INTS9: variants seen among roughly 807,000 people sequenced by gnomAD.
INTS9 encodes protein related to CPSF subunits of 74 kDa.
Under a neutral mutation model 79.7 loss-of-function variants are expected in INTS9, and 55 were observed. That is an observed-to-expected ratio of 0.69 (90% CI 0.56 to 0.86). The LOEUF is 0.86. INTS9 is among the 40% of genes least tolerant of loss of function. INTS9 has a pLI of 0.00. For missense variants in INTS9, 721 were observed against 831.5 expected (o/e 0.87, Z 1.64); for synonymous variants, 319 against 325.2 (o/e 0.98, Z 0.20).
chr8:28,880,156 A>C (rs919035424), intron 1 of INTS9, among the ~76,000 whole-genome samples: 2 of 152,214 alleles, frequency 1.3e-5, no homozygotes, highest in African/African-American at 4.8e-5. Context: ...AGAGGAAAGA[A>C]GACTTATAAA....
intron 6 of INTS9, among the ~76,000 whole-genome samples, chr8:28,815,903 T>C (rs1805443099): frequency 6.6e-6 from 1 of 152,104 alleles, no homozygotes; most frequent in African/African-American, 2.4e-5. Flanking sequence ...CACTTGAGAA[T>C]ACTGACCCAG....
At chr8:28,837,893 T>A in intron 4 of INTS9, 117 bp from the exon 5 acceptor site, 4 of 971,022 alleles carry the variant, frequency 4.1e-6, no homozygotes, top group Non-Finnish European at 6.1e-6. Flanking sequence ...AGAATAATGA[T>A]GGCTTTCCTG....
chr8:28,857,837 G>A (rs865916200), intron 2 of INTS9, among the ~76,000 whole-genome samples: 1 of 152,160 alleles, frequency 6.6e-6, no homozygotes, highest in South Asian at 2.1e-4. Flanking sequence ...TAAGTGCTAC[G>A]AAGACAAAGC....
At chr8:28,849,673 C>T (rs1476026804) in intron 3 of INTS9, among the ~76,000 whole-genome samples, 5 of 152,108 alleles carry the variant, frequency 3.3e-5, no homozygotes, top group Non-Finnish European at 5.9e-5. Flanking sequence ...GTTCCCCACA[C>T]AGTGGCCAGA....
intron 1 of INTS9, among the ~76,000 whole-genome samples, chr8:28,870,040 C>G (rs1375298640): frequency 6.6e-6 from 1 of 152,046 alleles, no homozygotes; most frequent in East Asian, 1.9e-4. Flanking sequence ...GGAAGGAAAA[C>G]AGGTAGGGGC....
At chr8:28,842,785 T>G (rs1183588052) in intron 4 of INTS9, among the ~76,000 whole-genome samples, 10 of 152,228 alleles carry the variant, frequency 6.6e-5, no homozygotes. Flanking sequence ...TATTTATTGT[T>G]TCAGGCTTCA....
chr8:28,769,802 T>A, intron 16 of INTS9, 87 bp downstream of exon 16: 1 of 1,527,570 alleles, frequency 6.5e-7, no homozygotes, highest in Admixed American at 1.8e-5. Flanking sequence ...AGCAGCAACA[T>A]CCACTCCCTG....
intron 1 of INTS9, 148 bp from the exon 2 acceptor site, chr8:28,859,711 G>A (rs1808351804): frequency 1.2e-6 from 1 of 824,044 alleles, no homozygotes; most frequent in Admixed American, 2.0e-5. Flanking sequence ...CCCTTTTACT[G>A]CTTGGGGACT....
At chr8:28,865,216 C>T (rs1300050866) in intron 1 of INTS9, among the ~76,000 whole-genome samples, 1 of 151,544 alleles carries the variant, frequency 6.6e-6, no homozygotes, top group Non-Finnish European at 1.5e-5. Context: ...GTTTGTAAAA[C>T]TATTTGATTC....
intron 6 of INTS9, among the ~76,000 whole-genome samples, chr8:28,829,787 T>G (rs1806362663): frequency 6.6e-6 from 1 of 152,180 alleles, no homozygotes; most frequent in African/African-American, 2.4e-5. Flanking sequence ...AAGCCAACAT[T>G]TCTAAAAAGA....
At chr8:28,824,378 T>C (rs1034681270) in intron 6 of INTS9, among the ~76,000 whole-genome samples, 1 of 152,248 alleles carries the variant, frequency 6.6e-6, no homozygotes, top group African/African-American at 2.4e-5. Flanking sequence ...CTTCTTTATC[T>C]GGGTGCTGCT....
intron 1 of INTS9, among the ~76,000 whole-genome samples, chr8:28,860,599 C>T (rs1410429506): frequency 6.6e-4 from 101 of 152,208 alleles, no homozygotes; most frequent in Non-Finnish European, 2.1e-4. Context: ...GCCTCAGCCT[C>T]CCAAGTAGCT....
chr8:28,815,436 A>G (rs900898685), intron 6 of INTS9, among the ~76,000 whole-genome samples: 2 of 152,210 alleles, frequency 1.3e-5, no homozygotes, highest in African/African-American at 2.4e-5. Flanking sequence ...AGACTAAACT[A>G]CATGTTGACC....
At chr8:28,776,002 C>T (rs945731532) in intron 13 of INTS9, 76 bp from the exon 14 acceptor site, 42 of 1,173,832 alleles carry the variant, frequency 3.6e-5, no homozygotes, top group African/African-American at 4.8e-5. Context: ...TTCCTGACCC[C>T]GATCCACTCC....
chr8:28,862,318 G>T, intron 1 of INTS9: 1 of 752,020 alleles, frequency 1.3e-6, no homozygotes, highest in Non-Finnish European at 1.6e-6. Flanking sequence ...TGTAAAAGCT[G>T]TAATTTTAGT....
chr8:28,809,017 A>G (rs1196460103), intron 8 of INTS9, among the ~76,000 whole-genome samples: 2 of 151,592 alleles, frequency 1.3e-5, no homozygotes, highest in African/African-American at 2.4e-5. Flanking sequence ...TGGCACAAAC[A>G]TGGCTCACTG....
At chr8:28,772,293 G>A (rs948075622) in intron 14 of INTS9, among the ~76,000 whole-genome samples, 1 of 152,208 alleles carries the variant, frequency 6.6e-6, no homozygotes, top group African/African-American at 2.4e-5. Flanking sequence ...GGGAGGCCAC[G>A]GTGGGCAGAC....
At chr8:28,798,415 G>A (rs763830282) in intron 8 of INTS9, 3 of 152,206 alleles carry the variant, frequency 2.0e-5, no homozygotes, top group East Asian at 1.9e-4. Flanking sequence ...TAATGATCCC[G>A]AGGGCTAAAG....
chr8:28,822,986 A>C (rs1317234050), intron 6 of INTS9, among the ~76,000 whole-genome samples: 1 of 152,158 alleles, frequency 6.6e-6, no homozygotes, highest in African/African-American at 2.4e-5. Context: ...GATCCAGAAA[A>C]CAGAATAAAG....
Sources: allele counts gnomAD v4.1 joint callset (sites outside exome capture counted in the v4.1 genomes callset), GRCh38; gene constraint gnomAD v4.1.1; transcripts MANE v1.5; gene names NCBI Gene and HGNC (gene_info 2026-07-23, HGNC 2026-07-21).